Variants in DYNC2I2 observed in about 807,000 individuals in gnomAD.
The protein encoded by DYNC2I2 is dynein 2 intermediate chain 2, also known as cytoplasmic dynein 2 intermediate chain 2.
In DYNC2I2, 39 loss-of-function variants were observed where a neutral mutation model predicts 52.0. That is an observed-to-expected ratio of 0.75 (90% CI 0.58 to 0.98). DYNC2I2 has a LOEUF of 0.98. DYNC2I2 is among the 50% of genes least tolerant of loss of function. The pLI, the probability that DYNC2I2 is intolerant of heterozygous loss-of-function variation, is 0.00. For missense variants in DYNC2I2, 743 were observed against 728.4 expected, an observed-to-expected ratio of 1.02 and a Z score of -0.23; for synonymous variants, 359 against 321.1, an observed-to-expected ratio of 1.12 and a Z score of -1.26.
intron 2 of DYNC2I2, 92 bp downstream of exon 2, chr9:128,640,599 A>T: frequency 1.3e-6 from 2 of 1,535,408 alleles, no homozygotes; most frequent in Non-Finnish European, 1.7e-6. Context: ...CGTGATGATG[A>T]CTGGCACGGC....
Position 128,636,979 on chromosome 9 carries a change from G to A in DYNC2I2, c.484C>T (p.Leu162=). Residue 162 remains leucine, a synonymous_variant, in exon 3 of 9, where the codon CTG becomes TTG. Coordinates refer to ENST00000372715, the MANE Select transcript of DYNC2I2 (RefSeq NM_052844.4). The part of the protein sequence containing the change: ...LGYPPAQAQG[L]HVTSISWNST... ...TTCCAGGAGATGCTGGTCACATGCA[G>A]ACCCTGCGCTTGGGCTGGCGGGTAG... 2 of 1,613,498 alleles carry A rather than the reference G, an allele frequency of 1.2e-6. No homozygotes were observed. The highest frequency in any genetic ancestry group is 1.6e-4 in the Middle Eastern group (1 of 6,062).
chr9:128,675,531 T>G, the DYNC2I2 span, among the ~76,000 whole-genome samples: 1 of 152,134 alleles, frequency 6.6e-6, no homozygotes, highest in South Asian at 2.1e-4. Flanking sequence ...AATAAGGGCA[T>G]AATACTATCC....
chr9:128,635,823 T>G lies in DYNC2I2; in HGVS notation c.704-56A>C. On this transcript the variant is annotated intron_variant, in intron 4 of 8. Coordinates refer to ENST00000372715, the MANE Select transcript of DYNC2I2 (RefSeq NM_052844.4). ...CAGCCCCACCCCCAGCCTGACTTCC[T>G]GGCCAAACACCCGCCCCAGCCCACC... 3.3e-6 allele frequency: 5 copies of G among 1,515,584 alleles called. No homozygotes were observed. The South Asian group carries it at 5.9e-5, about 18-fold the overall frequency. 93.9% of individuals were successfully genotyped at this position (1,515,584 alleles called of 1,614,324 possible). A position where few individuals can be genotyped will look rare whatever the true frequency, so the allele number is the denominator to read the frequency against.
chr9:128,668,265 G>T, the DYNC2I2 span, among the ~76,000 whole-genome samples: 1 of 138,926 alleles, frequency 7.2e-6, no homozygotes, highest in Non-Finnish European at 1.7e-5. Context: ...GGCCAGTCTC[G>T]ATCTCTTGAC....
At chr9:128,635,452 T>C in intron 5 of DYNC2I2, 193 bp from the exon 6 acceptor site, 8 of 789,932 alleles carry the variant, frequency 1.0e-5, no homozygotes, top group Non-Finnish European at 1.4e-5. Flanking sequence ...CCAGCGCTGC[T>C]CACTCGGTGC....
chr9:128,684,104 T>TA, the DYNC2I2 span: 1 of 951,706 alleles, frequency 1.1e-6, no homozygotes, highest in African/African-American at 1.7e-5. Flanking sequence ...ATGTGACCCC[T>TA]AAGCACCCCC....
At chr9:128,662,227 C>T in the DYNC2I2 span, among the ~76,000 whole-genome samples, 2 of 150,958 alleles carry the variant, frequency 1.3e-5, no homozygotes, top group African/African-American at 2.4e-5. Flanking sequence ...CGCGAGACTC[C>T]GTCTTGGGGA....
At chr9:128,684,140 G>A in the DYNC2I2 span, 1 of 691,812 alleles carries the variant, frequency 1.4e-6, no homozygotes. Context: ...TGGGATGGTG[G>A]ATTAAGTTTG....
intron 1 of DYNC2I2, among the ~76,000 whole-genome samples, chr9:128,642,842 T>C (rs1450830301): frequency 6.6e-6 from 1 of 152,156 alleles, no homozygotes; most frequent in Non-Finnish European, 1.5e-5. Context: ...TGCAAGATTC[T>C]TGTGCCCCAG....
chr9:128,634,093 T>C, intron 8 of DYNC2I2, 111 bp from the exon 9 acceptor site: 1 of 1,550,426 alleles, frequency 6.4e-7, no homozygotes, highest in Non-Finnish European at 8.8e-7. Context: ...ACAGTGGCTT[T>C]GAGTTGGGTT....
At position 128,647,731 on chromosome 9, in the gene DYNC2I2, CAAA is replaced by C. The variant is rs35883171; in HGVS notation, c.187-6795_187-6793del. Reference sequence around the variant, plus strand: ...TGGGCAACAGAGCAAGACTCCATCTCAAAAAAAAAAAAAAAAAAAAGCGTTCAG... The same window carrying C: ...TGGGCAACAGAGCAAGACTCCATCTCAAAAAAAAAAAAAAAAAGCGTTCAG... On this transcript the variant is annotated intron_variant, in intron 1 of 8. Transcript: ENST00000372715. Among the ~76,000 whole-genome samples, 464 of 73,950 alleles carry C rather than the reference CAAA, an allele frequency of 6.3e-3. 1 individual carries two copies. The highest frequency in any genetic ancestry group is 0.017 in the African/African-American group (403 of 23,560). The allele number at this position is 73,950 out of a possible 152,430, so 48.5% of individuals were successfully genotyped here. A position where few individuals can be genotyped will look rare whatever the true frequency, so the allele number is the denominator to read the frequency against.
At chr9:128,655,824 T>C (rs1589438160) in intron 1 of DYNC2I2, among the ~76,000 whole-genome samples, 1 of 139,500 alleles carries the variant, frequency 7.2e-6, no homozygotes, top group South Asian at 2.2e-4. Flanking sequence ...GGCAGGAGAA[T>C]GGCGTGAACC....
the DYNC2I2 span, among the ~76,000 whole-genome samples, chr9:128,669,655 C>G: frequency 3.3e-5 from 5 of 152,158 alleles, no homozygotes; most frequent in Admixed American, 3.3e-4. Context: ...CGACATCGCA[C>G]TATTGCACGC....
the DYNC2I2 span, among the ~76,000 whole-genome samples, chr9:128,678,773 T>A: frequency 6.7e-6 from 1 of 149,808 alleles, no homozygotes; most frequent in Non-Finnish European, 1.5e-5. Context: ...GGTAATCTTA[T>A]AATAAAACAA....
At chr9:128,653,685 C>T (rs928811415) in intron 1 of DYNC2I2, among the ~76,000 whole-genome samples, 4 of 150,036 alleles carry the variant, frequency 2.7e-5, no homozygotes, top group Non-Finnish European at 5.9e-5. Context: ...CATTGCACTC[C>T]AGCCTAGGCC....
chr9:128,676,532 ATTTT>A, the DYNC2I2 span, among the ~76,000 whole-genome samples: 5 of 134,184 alleles, frequency 3.7e-5, no homozygotes, highest in Non-Finnish European at 3.2e-5. Context: ...ATGTGTTTGA[ATTTT>A]TTTTTTTTTT....
chr9:128,658,166 C>CT (rs879729021), upstream of DYNC2I2, among the ~76,000 whole-genome samples: 3,695 of 139,108 alleles, frequency 0.027, 40 homozygotes, highest in African/African-American at 0.032. Context: ...ATAGATGCTA[C>CT]TTTTTTTTTT....
At chr9:128,684,435 C>T in the DYNC2I2 span, among the ~76,000 whole-genome samples, 8 of 152,252 alleles carry the variant, frequency 5.3e-5, no homozygotes, top group South Asian at 1.4e-3. Flanking sequence ...CAACTCTGGC[C>T]TGAATCTCTG....
At chr9:128,677,764 C>T in the DYNC2I2 span, among the ~76,000 whole-genome samples, 3 of 152,144 alleles carry the variant, frequency 2.0e-5, no homozygotes, top group East Asian at 1.9e-4. Context: ...GCCAAGATCG[C>T]GCCACTGCAC....
Sources: gnomAD v4.1 joint callset for allele counts (sites outside exome capture counted in the v4.1 genomes callset) on GRCh38, gnomAD v4.1.1 for gene constraint, MANE v1.5 for transcripts, NCBI Gene and HGNC (gene_info 2026-07-23, HGNC 2026-07-21) for gene names.